CACNB4: variants seen among roughly 807,000 people sequenced by gnomAD.
CACNB4 encodes the protein voltage-dependent L-type calcium channel subunit beta-4.
A neutral mutation model predicts 71.2 loss-of-function variants in CACNB4; 32 were observed. The ratio of observed to expected loss-of-function variants is 0.45; its 90% CI spans 0.34 to 0.60. The LOEUF is 0.60. CACNB4 is among the 20% of genes least tolerant of loss of function. The probability of loss-of-function intolerance (pLI) is 0.01; values close to 1 mark genes in which losing one functional copy is unlikely to be tolerated. For synonymous variants in CACNB4, 231 were observed against 236.9 expected, an observed-to-expected ratio of 0.97 and a Z score of 0.23; for missense variants, 464 against 647.9, an observed-to-expected ratio of 0.72 and a Z score of 3.08.
At chr2:152,052,739 G>A (rs1035406923) in intron 2 of CACNB4, among the ~76,000 whole-genome samples, 2 of 152,070 alleles carry the variant, frequency 1.3e-5, no homozygotes, top group South Asian at 2.1e-4. Context: ...CAGCACTTTG[G>A]GGGGCTGAGG....
At chr2:151,978,908 G>A (rs1339883042) in intron 2 of CACNB4, among the ~76,000 whole-genome samples, 3 of 152,042 alleles carry the variant, frequency 2.0e-5, no homozygotes, top group East Asian at 1.9e-4. Context: ...ACTGCTCCTC[G>A]TGCCAAGGCT....
intron 2 of CACNB4, among the ~76,000 whole-genome samples, chr2:152,061,811 A>G (rs1686030426): frequency 6.6e-6 from 1 of 151,982 alleles, no homozygotes; most frequent in African/African-American, 2.4e-5. Flanking sequence ...CAGGAGTCCA[A>G]GACCAGTCTG....
intron 2 of CACNB4, among the ~76,000 whole-genome samples, chr2:152,066,651 C>CATGGTATATAAA (rs1686345646): frequency 6.6e-6 from 1 of 150,540 alleles, no homozygotes; most frequent in Non-Finnish European, 1.5e-5. Context: ...TGGGTATATA[C>CATGGTATATAAA]CCAAAGGACT....
chr2:152,070,085 C>T (rs1242879821), intron 2 of CACNB4, among the ~76,000 whole-genome samples: 8 of 151,966 alleles, frequency 5.3e-5, no homozygotes, highest in South Asian at 2.1e-4. Context: ...CCTCGTGATC[C>T]GCCCGTCTTG....
chr2:151,862,274 T>C (rs746623023), intron 9 of CACNB4, among the ~76,000 whole-genome samples: 1 of 152,218 alleles, frequency 6.6e-6, no homozygotes, highest in Non-Finnish European at 1.5e-5. Context: ...CTGATTTCAG[T>C]GACCTAAAGC....
rs550727210 is a variant in CACNB4, at chr2:152,078,971, A to C, written c.147+19359T>G. On this transcript the variant is annotated intron_variant, in intron 2 of 13. Transcript: ENST00000539935. ...TCTCACACCCTCTTCTGCAGCAAACAGTAATGTTCTACATGGTGCCTGCTC... is the reference window on the plus strand; with the variant it reads ...TCTCACACCCTCTTCTGCAGCAAACCGTAATGTTCTACATGGTGCCTGCTC... Among the ~76,000 whole-genome samples the C allele has an allele frequency of 3.3e-5, 5 of 152,322 alleles. No homozygotes were observed. The South Asian group carries it at 1.0e-3, about 32-fold the overall frequency.
At chr2:151,955,013 C>T (rs1229687853) in intron 2 of CACNB4, among the ~76,000 whole-genome samples, 12 of 151,972 alleles carry the variant, frequency 7.9e-5, no homozygotes, top group African/African-American at 2.4e-4. Context: ...GCCACGATGC[C>T]CAGCTAATTT....
intron 2 of CACNB4, among the ~76,000 whole-genome samples, chr2:151,997,306 A>G (rs1368038529): frequency 6.6e-6 from 1 of 152,180 alleles, no homozygotes; most frequent in African/African-American, 2.4e-5. Context: ...AGGCTGAGGC[A>G]GGCGGATCAC....
In CACNB4 at chr2:151,837,604, C is replaced by T. The variant is rs1208668390; in HGVS notation, c.*1515G>A. Reference sequence around the variant, plus strand: ...TTTTAGAAAATGCATGCACTATGGACATTTAGAAATAAGTTTTTTTTTTTA... The same window carrying T: ...TTTTAGAAAATGCATGCACTATGGATATTTAGAAATAAGTTTTTTTTTTTA... On this transcript the variant is annotated 3_prime_UTR_variant, in exon 14 of 14. Coordinates refer to ENST00000539935, the MANE Select transcript of CACNB4 (RefSeq NM_000726.5). 1 of 151,608 alleles carries T rather than the reference C, an allele frequency of 6.6e-6. No homozygotes were observed. Among genetic ancestry groups the T allele is most frequent in the Non-Finnish European group, 1.5e-5 (1 of 67,826 alleles). The allele number at this position is 151,608 out of a possible 1,614,324, so 9.4% of individuals were successfully genotyped here. A position where few individuals can be genotyped will look rare whatever the true frequency, so the allele number is the denominator to read the frequency against.
chr2:152,072,569 T>C (rs1214717921), intron 2 of CACNB4, among the ~76,000 whole-genome samples: 1 of 152,184 alleles, frequency 6.6e-6, no homozygotes, highest in Non-Finnish European at 1.5e-5. Context: ...CCTTTTTCAC[T>C]GGTAATATCT....
chr2:152,093,894 C>T (rs926365011), intron 2 of CACNB4, among the ~76,000 whole-genome samples: 1 of 152,182 alleles, frequency 6.6e-6, no homozygotes, highest in African/African-American at 2.4e-5. Context: ...GGCAATTTCT[C>T]CCCACTAAAC....
intron 2 of CACNB4, among the ~76,000 whole-genome samples, chr2:152,021,478 C>T (rs1683665098): frequency 6.6e-6 from 1 of 152,150 alleles, no homozygotes; most frequent in Non-Finnish European, 1.5e-5. Flanking sequence ...ATTGCATCAA[C>T]CCATAATCTC....
intron 2 of CACNB4, among the ~76,000 whole-genome samples, chr2:151,908,042 C>CA (rs113068230): frequency 0.013 from 2,022 of 152,158 alleles, 34 homozygotes; most frequent in African/African-American, 0.046. Context: ...AGCTTGCTGC[C>CA]ACGGATTAGA....
At chr2:152,059,925 C>A (rs1377478473) in intron 2 of CACNB4, among the ~76,000 whole-genome samples, 1 of 152,150 alleles carries the variant, frequency 6.6e-6, no homozygotes, top group Non-Finnish European at 1.5e-5. Flanking sequence ...TGAGTTCTCA[C>A]CAGATCTGAT....
chr2:151,864,142 A>G (rs2099842477), intron 9 of CACNB4, among the ~76,000 whole-genome samples: 1 of 152,152 alleles, frequency 6.6e-6, no homozygotes, highest in Non-Finnish European at 1.5e-5. Context: ...CCCTAGTTTC[A>G]GCATTCCCAT....
intron 2 of CACNB4, among the ~76,000 whole-genome samples, chr2:151,915,081 G>C (rs2099857108): frequency 6.6e-6 from 1 of 152,190 alleles, no homozygotes; most frequent in African/African-American, 2.4e-5. Context: ...CAAGAGGAGA[G>C]GCTAAGTTTG....
At chr2:151,939,900 T>G (rs1489899181) in intron 2 of CACNB4, among the ~76,000 whole-genome samples, 1 of 152,188 alleles carries the variant, frequency 6.6e-6, no homozygotes, top group African/African-American at 2.4e-5. Context: ...TTCATATTTC[T>G]TAAAGAAAAA....
chr2:151,953,106 G>A (rs948037285), intron 2 of CACNB4, among the ~76,000 whole-genome samples: 4 of 152,144 alleles, frequency 2.6e-5, no homozygotes, highest in South Asian at 4.1e-4. Flanking sequence ...TGAGATGAGC[G>A]ATTTTATCCT....
intron 13 of CACNB4, among the ~76,000 whole-genome samples, chr2:151,841,245 A>G (rs527460370): frequency 1.3e-5 from 2 of 152,270 alleles, no homozygotes; most frequent in Admixed American, 1.3e-4. Context: ...TATCTTACTT[A>G]GCTATTGTGT....
Sources: allele counts gnomAD v4.1 joint callset (sites outside exome capture counted in the v4.1 genomes callset), GRCh38; gene constraint gnomAD v4.1.1; transcripts MANE v1.5; gene names NCBI Gene and HGNC (gene_info 2026-07-23, HGNC 2026-07-21).